The following UTP20 variants were observed in gnomAD, a reference collection of about 807,000 sequenced individuals.
UTP20 encodes UTP20 small subunit processome component, also known as small subunit processome component 20 homolog.
A neutral mutation model predicts 329.5 loss-of-function variants in UTP20; 164 were observed. The observed-to-expected ratio is 0.50, with a 90% confidence interval of 0.44 to 0.57. The LOEUF is 0.57. UTP20 is among the 20% of genes least tolerant of loss of function. The pLI is 0.00. For missense variants in UTP20, 3,055 were observed against 3,284.2 expected, an observed-to-expected ratio of 0.93 and a Z score of 1.71; for synonymous variants, 1,151 against 1,159.3, an observed-to-expected ratio of 0.99 and a Z score of 0.14.
chr12:101,327,950 T>C (rs1171891733), intron 26 of UTP20, among the ~76,000 whole-genome samples: 2 of 152,220 alleles, frequency 1.3e-5, no homozygotes, highest in Non-Finnish European at 2.9e-5. Context: ...ATTTTACACA[T>C]GGGGAAACTT....
At chr12:101,290,411 C>T in intron 7 of UTP20, 137 bp downstream of exon 7, 3 of 1,053,634 alleles carry the variant, frequency 2.8e-6, no homozygotes, top group Non-Finnish European at 3.9e-6. Flanking sequence ...TGTTCAGTAA[C>T]AATGCTTACC....
intron 2 of UTP20, among the ~76,000 whole-genome samples, chr12:101,281,998 C>T (rs1044353211): frequency 5.3e-5 from 8 of 152,110 alleles, no homozygotes; most frequent in Admixed American, 1.3e-4. Context: ...CCACCACGCC[C>T]GGCCTTGTCA....
intron 2 of UTP20, among the ~76,000 whole-genome samples, chr12:101,284,554 G>A (rs975275027): frequency 5.3e-5 from 8 of 152,006 alleles, no homozygotes; most frequent in Admixed American, 4.6e-4. Flanking sequence ...ATAAACATAC[G>A]AAGGCATGTA....
chr12:101,382,980 A>G (rs1478220346), intron 58 of UTP20, 61 bp from the exon 59 acceptor site: 4 of 1,538,616 alleles, frequency 2.6e-6, no homozygotes, highest in Non-Finnish European at 1.7e-6. Flanking sequence ...ATGCTCTACT[A>G]AGCCTTATTT....
rs1278480889 is a variant in UTP20, at chr12:101,372,865, G to A, written c.6799-19G>A. ...AGAGGTGAGATCCAAATAATCATCT[G>A]TGTGACTTTTGTTCCTAGGTTTTTC... On this transcript the variant is annotated intron_variant, in intron 51 of 61. Coordinates refer to ENST00000261637, the MANE Select transcript of UTP20 (RefSeq NM_014503.3). 3 of 1,597,558 alleles carry A rather than the reference G, an allele frequency of 1.9e-6. No individual in the cohort carries two copies. Among genetic ancestry groups the A allele is most frequent in the Non-Finnish European group, 2.6e-6 (3 of 1,164,992 alleles).
chr12:101,303,887 C>T (rs1872589225), intron 15 of UTP20, among the ~76,000 whole-genome samples: 3 of 152,148 alleles, frequency 2.0e-5, no homozygotes, highest in Admixed American at 2.0e-4. Flanking sequence ...AATTAACTTC[C>T]TGTAGAGAGG....
chr12:101,295,291 A>G (rs1653221006), intron 11 of UTP20, among the ~76,000 whole-genome samples, 189 bp from the exon 12 acceptor site: 1 of 152,204 alleles, frequency 6.6e-6, no homozygotes, highest in South Asian at 2.1e-4. Flanking sequence ...AGAATTCTAG[A>G]TTCTAAGTCA....
chr12:101,354,097 C>T lies in UTP20; in HGVS notation c.5108-735C>T, dbSNP rs567551745. ...TCAACATAGCGAAACCCTGTCTCTA[C>T]TAAATATACAAAAAATTAGCTGGAC... On this transcript the variant is annotated intron_variant, in intron 40 of 61. Transcript: ENST00000261637. Among the ~76,000 whole-genome samples, 9 of 151,784 alleles carry T rather than the reference C, an allele frequency of 5.9e-5. No individual in the cohort carries two copies. The South Asian group carries it at 1.7e-3, about 28-fold the overall frequency.
chr12:101,317,789 G>C (rs1486803901), intron 22 of UTP20, 126 bp downstream of exon 22: 3 of 1,097,754 alleles, frequency 2.7e-6, no homozygotes, highest in Middle Eastern at 3.2e-4. Flanking sequence ...CATCTTCCTG[G>C]GATTTTCTTT....
chr12:101,326,913 C>T, intron 25 of UTP20, 168 bp from the exon 26 acceptor site: 1 of 741,048 alleles, frequency 1.3e-6, no homozygotes, highest in Non-Finnish European at 2.0e-6. Context: ...TTGTTGTTGA[C>T]TTTTTTCATT....
At chr12:101,293,984 A>G (rs1234306156) in intron 11 of UTP20, among the ~76,000 whole-genome samples, 1 of 151,902 alleles carries the variant, frequency 6.6e-6, no homozygotes, top group African/African-American at 2.4e-5. Context: ...TTCTGCTCCC[A>G]TCTTATTAGC....
chr12:101,356,893 T>G, intron 42 of UTP20, 33 bp from the exon 43 acceptor site: 1 of 1,588,438 alleles, frequency 6.3e-7, no homozygotes, highest in Admixed American at 1.8e-5. Context: ...TCTGTTTATT[T>G]GATTAGTCAT....
chr12:101,283,791 C>T (rs1173197885), intron 2 of UTP20, among the ~76,000 whole-genome samples: 1 of 152,166 alleles, frequency 6.6e-6, no homozygotes, highest in African/African-American at 2.4e-5. Context: ...CTCAAATGCT[C>T]TTCCTGCCTC....
chr12:101,307,039 G>C (rs151147868), intron 17 of UTP20, among the ~76,000 whole-genome samples: 1 of 151,870 alleles, frequency 6.6e-6, no homozygotes, highest in East Asian at 1.9e-4. Flanking sequence ...TTAGCCAGGC[G>C]TGGTGGCGGG....
chr12:101,358,908 G>A (rs1869816356), intron 43 of UTP20, among the ~76,000 whole-genome samples: 1 of 152,066 alleles, frequency 6.6e-6, no homozygotes, highest in African/African-American at 2.4e-5. Flanking sequence ...CTAATATGCT[G>A]TTTTTCTCAG....
chr12:101,289,087 G>C, intron 6 of UTP20, 46 bp downstream of exon 6: 1 of 1,542,586 alleles, frequency 6.5e-7, no homozygotes, highest in Non-Finnish European at 8.9e-7. Flanking sequence ...TCAAGAATCT[G>C]ATGAATAGGC....
intron 43 of UTP20, among the ~76,000 whole-genome samples, chr12:101,358,561 G>A (rs754971699): frequency 2.0e-5 from 3 of 152,186 alleles, no homozygotes; most frequent in Non-Finnish European, 4.4e-5. Flanking sequence ...CAGGCATGGT[G>A]GGAACAGATT....
chr12:101,356,203 C>T (rs1869715820), intron 41 of UTP20, among the ~76,000 whole-genome samples: 1 of 152,112 alleles, frequency 6.6e-6, no homozygotes, highest in Non-Finnish European at 1.5e-5. Context: ...CTCGGCTCAC[C>T]ACAACCTCCA....
intron 6 of UTP20, chr12:101,289,846 A>G (rs191077633): frequency 4.3e-4 from 71 of 164,252 alleles, no homozygotes; most frequent in African/African-American, 1.7e-3. Context: ...ATTTTACTGT[A>G]TACAATACAA....
Sources: allele counts gnomAD v4.1 joint callset (sites outside exome capture counted in the v4.1 genomes callset), GRCh38; gene constraint gnomAD v4.1.1; transcripts MANE v1.5; gene names NCBI Gene and HGNC (gene_info 2026-07-23, HGNC 2026-07-21).